Variants in TPRG1 observed in about 807,000 individuals in gnomAD.
TPRG1 encodes the protein tumor protein p63-regulated gene 1 protein.
TPRG1 carries 29 observed loss-of-function variants against 29.3 expected under a neutral mutation model. That is an observed-to-expected ratio of 0.99 (90% confidence interval 0.74 to 1.35). TPRG1 has a LOEUF of 1.35. Among genes scored for constraint, TPRG1 ranks in the 40% most tolerant of loss-of-function variants. The pLI is 0.00. For missense variants in TPRG1, 327 were observed against 335.0 expected (o/e 0.98, Z 0.19); for synonymous variants, 130 against 116.8 (o/e 1.11, Z -0.73).
intron 3 of TPRG1, among the ~76,000 whole-genome samples, chr3:189,133,422 T>C (rs760487254): frequency 3.3e-5 from 5 of 152,194 alleles, no homozygotes; most frequent in Admixed American, 6.5e-5. Context: ...TGTGTGTCCC[T>C]ACTCAAATGC....
intron 3 of TPRG1, among the ~76,000 whole-genome samples, chr3:189,133,037 T>G (rs867450812): frequency 2.0e-4 from 31 of 152,082 alleles, no homozygotes; most frequent in African/African-American, 7.5e-4. Flanking sequence ...ACCATGATGG[T>G]GCAAGGAAAA....
intron 4 of TPRG1, among the ~76,000 whole-genome samples, chr3:189,275,936 A>G (rs968445956): frequency 1.3e-5 from 2 of 152,108 alleles, no homozygotes; most frequent in African/African-American, 2.4e-5. Context: ...CAAATACAAT[A>G]ATTTTCATAA....
chr3:189,299,162 CA>C (rs1213278458), intron 4 of TPRG1, among the ~76,000 whole-genome samples: 1 of 151,104 alleles, frequency 6.6e-6, no homozygotes, highest in African/African-American at 2.4e-5. Context: ...AGAGGAGAGA[CA>C]AAAATTTACA....
intron 4 of TPRG1, among the ~76,000 whole-genome samples, chr3:189,090,645 TA>T (rs1718278345): frequency 6.6e-6 from 1 of 152,078 alleles, no homozygotes; most frequent in South Asian, 2.1e-4. Flanking sequence ...CTTTGATATT[TA>T]AAAAACTTTT....
intron 4 of TPRG1, among the ~76,000 whole-genome samples, chr3:189,253,970 T>G (rs1742673863): frequency 6.6e-6 from 1 of 152,218 alleles, no homozygotes; most frequent in Admixed American, 6.5e-5. Context: ...TAAATTTGTT[T>G]AAAGTCCTTG....
chr3:189,243,382 G>A (rs1257482661), intron 4 of TPRG1, among the ~76,000 whole-genome samples: 1 of 152,166 alleles, frequency 6.6e-6, no homozygotes, highest in African/African-American at 2.4e-5. Context: ...AACACTGGGG[G>A]TTTAGTCCTC....
At chr3:189,110,738 G>C (rs920860872) in intron 1 of TPRG1, among the ~76,000 whole-genome samples, 2 of 151,804 alleles carry the variant, frequency 1.3e-5, no homozygotes, top group African/African-American at 4.8e-5. Flanking sequence ...TTTTTATAAG[G>C]TACAAAGTCT....
intron 1 of TPRG1, among the ~76,000 whole-genome samples, chr3:189,201,736 G>A (rs561189120): frequency 8.6e-5 from 13 of 151,970 alleles, no homozygotes; most frequent in African/African-American, 2.7e-4. Flanking sequence ...TGCAACCTCC[G>A]CCTCCCAGGT....
intron 4 of TPRG1, among the ~76,000 whole-genome samples, chr3:189,264,698 C>A (rs1040255284): frequency 6.6e-6 from 1 of 152,090 alleles, no homozygotes; most frequent in African/African-American, 2.4e-5. Flanking sequence ...CAAAGCACAG[C>A]AATTTTTATT....
At chr3:189,011,562 G>A (rs1712603325) in intron 3 of TPRG1, among the ~76,000 whole-genome samples, 1 of 152,166 alleles carries the variant, frequency 6.6e-6, no homozygotes, top group South Asian at 2.1e-4. Context: ...CAGGCAAAGA[G>A]AGCTTGTGCG....
intron 3 of TPRG1, among the ~76,000 whole-genome samples, chr3:189,219,412 A>G (rs1736590929): frequency 6.6e-6 from 1 of 152,112 alleles, no homozygotes; most frequent in Non-Finnish European, 1.5e-5. Flanking sequence ...ATTAGGATTC[A>G]GGCCTCCAGG....
At chr3:189,219,634 T>C in intron 3 of TPRG1, 1 of 1,289,116 alleles carries the variant, frequency 7.8e-7, no homozygotes, top group Non-Finnish European at 1.0e-6. Flanking sequence ...AAAAGTATGA[T>C]ATGATGGCAA....
Position 189,322,641 on chromosome 3 carries a change from T to C in TPRG1, c.*1821T>C, listed in dbSNP as rs1724417726. 6.6e-6 allele frequency: 1 copy of C among 152,594 alleles called. No homozygotes were observed. The highest frequency in any genetic ancestry group is 6.6e-5 in the Admixed American group (1 of 15,248). The allele number at this position is 152,594 out of a possible 1,614,324, so 9.5% of individuals were successfully genotyped here. ...ATTTGCCTCAAGATAGTGGCATTTA[T>C]TGGCAGAAGCCTCTGAAATGTCCAG... On this transcript the variant is annotated 3_prime_UTR_variant, in exon 6 of 6. Coordinates refer to ENST00000345063, the MANE Select transcript of TPRG1 (RefSeq NM_198485.4).
At chr3:189,134,139 A>G (rs1723436615) in intron 3 of TPRG1, among the ~76,000 whole-genome samples, 1 of 152,200 alleles carries the variant, frequency 6.6e-6, no homozygotes, top group Admixed American at 6.5e-5. Flanking sequence ...GACACCAGGA[A>G]GGAAGAGCTT....
intron 1 of TPRG1, among the ~76,000 whole-genome samples, chr3:189,201,071 A>T (rs543608735): frequency 7.9e-5 from 12 of 152,336 alleles, no homozygotes; most frequent in Admixed American, 6.5e-4. Flanking sequence ...ACCATCTTGA[A>T]AGCAGAGACC....
At chr3:189,104,149 T>C (rs1423226868) in intron 1 of TPRG1, among the ~76,000 whole-genome samples, 1 of 152,120 alleles carries the variant, frequency 6.6e-6, no homozygotes, top group Non-Finnish European at 1.5e-5. Flanking sequence ...TCCTGGTAGA[T>C]GCCCCCCAAC....
intron 1 of TPRG1, among the ~76,000 whole-genome samples, chr3:188,998,107 A>T (rs1226357390): frequency 3.9e-5 from 6 of 152,028 alleles, no homozygotes; most frequent in Non-Finnish European, 8.8e-5. Flanking sequence ...TAAAAAAAAG[A>T]AGTGTTCTTG....
At chr3:189,111,917 T>C (rs1322660424) in intron 1 of TPRG1, among the ~76,000 whole-genome samples, 1 of 152,192 alleles carries the variant, frequency 6.6e-6, no homozygotes, top group Non-Finnish European at 1.5e-5. Context: ...TTTTCATCAT[T>C]TGATATTATC....
intron 4 of TPRG1, among the ~76,000 whole-genome samples, chr3:189,294,764 C>T (rs1241042942): frequency 6.6e-6 from 1 of 151,582 alleles, no homozygotes; most frequent in Non-Finnish European, 1.5e-5. Flanking sequence ...GACCATGTTC[C>T]CTTTTCTGTG....
Sources: allele counts gnomAD v4.1 joint callset (sites outside exome capture counted in the v4.1 genomes callset), GRCh38; gene constraint gnomAD v4.1.1; transcripts MANE v1.5; gene names NCBI Gene and HGNC (gene_info 2026-07-23, HGNC 2026-07-21).